The following NRXN1 variants were observed in gnomAD, a reference collection of about 807,000 sequenced individuals.
NRXN1 encodes neurexin-1.
In NRXN1, 39 loss-of-function variants were observed where a neutral mutation model predicts 150.9. That is an observed-to-expected ratio of 0.26 (90% confidence interval 0.20 to 0.34). The LOEUF (loss-of-function observed/expected upper bound fraction) is 0.34, where lower values mean the gene tolerates loss of function less well. Ranked by LOEUF, NRXN1 falls within the 10% of genes least tolerant of loss-of-function variation. The pLI is 1.00. For synonymous variants in NRXN1, 924 were observed against 757.0 expected, an observed-to-expected ratio of 1.22 and a Z score of -3.62; for missense variants, 1,815 against 1,949.9, an observed-to-expected ratio of 0.93 and a Z score of 1.30.
At chr2:50,118,430 T>C (rs1206257080) in intron 18 of NRXN1, among the ~76,000 whole-genome samples, 2 of 150,896 alleles carry the variant, frequency 1.3e-5, no homozygotes, top group African/African-American at 2.4e-5. Flanking sequence ...AATTTCTCTG[T>C]CTCCTGGTTT....
intron 2 of NRXN1, among the ~76,000 whole-genome samples, chr2:51,014,829 A>T (rs576250518): frequency 1.3e-5 from 2 of 152,150 alleles, no homozygotes; most frequent in East Asian, 3.9e-4. Flanking sequence ...TTAATAGCAC[A>T]AAGAGCTGAA....
rs767271959 is a variant in NRXN1 at position 50,506,584 on chromosome 2, T to C, written c.2408A>G (p.Asn803Ser). The C allele has an allele frequency of 3.1e-6, 5 of 1,613,424 alleles. No individual in the cohort carries two copies. The highest frequency in any genetic ancestry group is 8.5e-7 in the Non-Finnish European group (1 of 1,179,562). ...TGTGTGCCACTCGTTATCATTGAGG[T>C]TATAGCCAGCAAAAAGAGTCTCGGG... Reference protein sequence around the residue: ...KGPETLFAGYNLNDNEWHTVR... With the variant: ...KGPETLFAGYSLNDNEWHTVR... Residue 803 changes from asparagine to serine, a missense_variant, in exon 13 of 23, where the codon AAC becomes AGC. By Grantham distance (46) the Asn-to-Ser change is conservative. Around this residue, in one of 6 missense-constraint regions of NRXN1, gnomAD observed 638 missense variants for 652.6 expected, o/e 0.98. Coordinates refer to ENST00000401669, the MANE Select transcript of NRXN1 (RefSeq NM_001330078.2).
chr2:50,169,114 T>C (rs2059861892), intron 18 of NRXN1, among the ~76,000 whole-genome samples: 1 of 152,178 alleles, frequency 6.6e-6, no homozygotes, highest in Non-Finnish European at 1.5e-5. Flanking sequence ...AATAGCTCAT[T>C]TAATTAACCA....
intron 21 of NRXN1, among the ~76,000 whole-genome samples, chr2:49,992,643 A>G (rs921213877): frequency 1.6e-4 from 24 of 152,244 alleles, no homozygotes; most frequent in Middle Eastern, 3.4e-3. Context: ...GACAAGCCAC[A>G]GACTAGCAAA....
Position 50,467,085 on chromosome 2 carries a change from A to C in NRXN1, c.3245-1524T>G, listed in dbSNP as rs186517993. Reference sequence around the variant, plus strand: ...AGGAAGGATGGAAGAAATAAACTGCAATATAATCCATCATAAAGGAATTTT... The same window carrying C: ...AGGAAGGATGGAAGAAATAAACTGCCATATAATCCATCATAAAGGAATTTT... On this transcript the variant is annotated intron_variant, in intron 16 of 22. Coordinates refer to ENST00000401669, the MANE Select transcript of NRXN1 (RefSeq NM_001330078.2). Among the ~76,000 whole-genome samples the C allele has an allele frequency of 3.6e-3, 542 of 151,874 alleles. 4 individuals carry two copies. The highest frequency in any genetic ancestry group is 0.013 in the African/African-American group (523 of 41,514).
intron 18 of NRXN1, among the ~76,000 whole-genome samples, chr2:50,193,205 C>T (rs1359080837): frequency 6.6e-6 from 1 of 152,014 alleles, no homozygotes; most frequent in Non-Finnish European, 1.5e-5. Context: ...ATATCCTCAT[C>T]ATCAATAAAA....
At chr2:49,965,774 A>G (rs953804687) in intron 21 of NRXN1, among the ~76,000 whole-genome samples, 1 of 152,176 alleles carries the variant, frequency 6.6e-6, no homozygotes, top group Non-Finnish European at 1.5e-5. Flanking sequence ...GCTGTCAATC[A>G]CTTATGTCAC....
intron 5 of NRXN1, among the ~76,000 whole-genome samples, chr2:50,892,004 G>T (rs1157844859): frequency 1.3e-5 from 2 of 151,972 alleles, no homozygotes; most frequent in East Asian, 3.9e-4. Context: ...ATATTATCAG[G>T]ATACACAAAC....
chr2:50,566,161 C>T (rs943473220), intron 8 of NRXN1, among the ~76,000 whole-genome samples: 2 of 152,124 alleles, frequency 1.3e-5, no homozygotes, highest in African/African-American at 4.8e-5. Context: ...TGAACAAGTC[C>T]CCAGTAGACA....
intron 17 of NRXN1, among the ~76,000 whole-genome samples, chr2:50,436,074 A>G (rs949826076): frequency 2.0e-5 from 3 of 152,182 alleles, no homozygotes; most frequent in African/African-American, 4.8e-5. Context: ...TCTAAAGAAA[A>G]AGAAAATTTT....
intron 5 of NRXN1, among the ~76,000 whole-genome samples, chr2:50,713,006 C>G (rs527270076): frequency 7.2e-5 from 11 of 151,968 alleles, no homozygotes; most frequent in Non-Finnish European, 1.5e-4. Context: ...GCTTGTATAT[C>G]TGAGAGTTAT....
At chr2:50,440,045 G>C (rs537455388) in intron 17 of NRXN1, among the ~76,000 whole-genome samples, 2 of 152,236 alleles carry the variant, frequency 1.3e-5, no homozygotes, top group East Asian at 3.9e-4. Context: ...TTTATGACTA[G>C]AGGAAAAAGG....
At chr2:50,212,042 T>C (rs1193845064) in intron 18 of NRXN1, among the ~76,000 whole-genome samples, 1 of 148,820 alleles carries the variant, frequency 6.7e-6, no homozygotes, top group African/African-American at 2.4e-5. Flanking sequence ...ATTGGCAAAC[T>C]AAATCCACTA....
chr2:49,949,422 T>G (rs994902662), intron 21 of NRXN1, among the ~76,000 whole-genome samples: 2 of 152,004 alleles, frequency 1.3e-5, no homozygotes, highest in African/African-American at 4.8e-5. Flanking sequence ...AAACCCAGTA[T>G]GTAATATTAT....
At chr2:50,786,984 T>C (rs1251865663) in intron 5 of NRXN1, among the ~76,000 whole-genome samples, 1 of 152,110 alleles carries the variant, frequency 6.6e-6, no homozygotes, top group East Asian at 1.9e-4. Context: ...GCAAATGCAA[T>C]ATGCAAAGAT....
At chr2:50,902,302 A>G (rs913049282) in intron 5 of NRXN1, among the ~76,000 whole-genome samples, 1 of 152,128 alleles carries the variant, frequency 6.6e-6, no homozygotes, top group Non-Finnish European at 1.5e-5. Flanking sequence ...ACAGACACAA[A>G]TTAGAAAAAA....
At chr2:50,085,250 T>G (rs894224494) in intron 19 of NRXN1, among the ~76,000 whole-genome samples, 5 of 152,226 alleles carry the variant, frequency 3.3e-5, no homozygotes, top group African/African-American at 1.2e-4. Flanking sequence ...TAAGGAGGGA[T>G]GTTGATTTAT....
Position 50,147,407 on chromosome 2 carries a change from A to C in NRXN1, c.3547-55913T>G, listed in dbSNP as rs114539295. ...TGTCTTAGGTATTTGTGAATAACTA[A>C]AAATTTAGATAATTGCATTTGAAAA... On this transcript the variant is annotated intron_variant, in intron 18 of 22. Coordinates refer to ENST00000401669, the MANE Select transcript of NRXN1 (RefSeq NM_001330078.2). Among the ~76,000 whole-genome samples, 524 of 151,848 alleles carry C rather than the reference A, an allele frequency of 3.5e-3. 2 individuals carry two copies. Among genetic ancestry groups the C allele is most frequent in the African/African-American group, 0.011 (471 of 41,504 alleles).
At chr2:50,827,648 C>T (rs1670643092) in intron 5 of NRXN1, among the ~76,000 whole-genome samples, 1 of 152,068 alleles carries the variant, frequency 6.6e-6, no homozygotes, top group African/African-American at 2.4e-5. Context: ...GGATGTTTCT[C>T]ACAGAGGGGG....
Sources: allele counts gnomAD v4.1 joint callset (sites outside exome capture counted in the v4.1 genomes callset), GRCh38; gene constraint gnomAD v4.1.1; regional missense constraint gnomAD v4.1.1; transcripts MANE v1.5; gene names NCBI Gene and HGNC (gene_info 2026-07-23, HGNC 2026-07-21).